Variants in CELF2 observed in about 807,000 individuals in gnomAD.
CELF2 encodes CUG triplet repeat RNA-binding protein 2.
CELF2 carries 8 observed loss-of-function variants against 62.6 expected under a neutral mutation model. That is an observed-to-expected ratio of 0.13 (90% CI 0.07 to 0.23). CELF2 has a LOEUF of 0.23. Ranked by LOEUF, CELF2 falls within the 10% of genes least tolerant of loss-of-function variation. CELF2 has a pLI of 1.00. For synonymous variants in CELF2, 258 were observed against 250.0 expected, an observed-to-expected ratio of 1.03 and a Z score of -0.30; for missense variants, 333 against 671.0, an observed-to-expected ratio of 0.50 and a Z score of 5.56.
chr10:10,505,932 C>G, the CELF2 span, among the ~76,000 whole-genome samples: 2 of 152,166 alleles, frequency 1.3e-5, no homozygotes, highest in Non-Finnish European at 2.9e-5. Context: ...CTCAAGTTCC[C>G]TAGATGGTCT....
At chr10:10,527,043 A>G in the CELF2 span, among the ~76,000 whole-genome samples, 1 of 152,224 alleles carries the variant, frequency 6.6e-6, no homozygotes, top group Admixed American at 6.5e-5. Context: ...GTTTTTTTGC[A>G]TAAACACATG....
intron 2 of CELF2, among the ~76,000 whole-genome samples, chr10:10,963,889 A>G (rs897502800): frequency 6.6e-6 from 1 of 152,166 alleles, no homozygotes; most frequent in Non-Finnish European, 1.5e-5. Flanking sequence ...TATGTCCTCA[A>G]TGGAGATGCC....
chr10:10,508,660 A>ATGTGTGTG, the CELF2 span, among the ~76,000 whole-genome samples: 101 of 140,782 alleles, frequency 7.2e-4, no homozygotes, highest in East Asian at 3.4e-3. Context: ...TCTTAAACAG[A>ATGTGTGTG]TGTGTGTGTG....
At chr10:11,090,466 C>T (rs2048023143) in intron 1 of CELF2, among the ~76,000 whole-genome samples, 1 of 152,068 alleles carries the variant, frequency 6.6e-6, no homozygotes, top group African/African-American at 2.4e-5. Flanking sequence ...TTTCTATTTT[C>T]TACTGTTTAA....
Position 11,242,946 on chromosome 10 carries a change from G to A in CELF2, c.355-6207G>A, listed in dbSNP as rs115459148. Reference sequence around the variant, plus strand: ...GGGACGGAGGCGCCGGTGGCAACTGGTGCTGGGTCAGAACCAAACCACTGC... The same window carrying A: ...GGGACGGAGGCGCCGGTGGCAACTGATGCTGGGTCAGAACCAAACCACTGC... On this transcript the variant is annotated intron_variant, in intron 3 of 12. Transcript: ENST00000633077. This position sits in a 1 kb window ranked among gnomAD's most constrained non-coding sequence, Gnocchi z 4.8. 3.3e-3 allele frequency among the ~76,000 whole-genome samples: 501 copies of A among 152,264 alleles called. 3 individuals are homozygous for A. Among genetic ancestry groups the A allele is most frequent in the African/African-American group, 0.011 (475 of 41,540 alleles).
rs986618172 is a variant in CELF2 at position 11,177,253 on chromosome 10, G to A, written c.271+11571G>A. 6.6e-6 allele frequency among the ~76,000 whole-genome samples: 1 copy of A among 152,104 alleles called. No individual in the cohort carries two copies. Among genetic ancestry groups the A allele is most frequent in the Non-Finnish European group, 1.5e-5 (1 of 68,020 alleles). On this transcript the variant is annotated intron_variant, in intron 2 of 12. Coordinates refer to ENST00000633077, the MANE Select transcript of CELF2 (RefSeq NM_001326342.2). The surrounding 1 kb of genome is among the most constrained non-coding windows in gnomAD (Gnocchi z 4.8). ...TAGTAGGGAGGTATTAAAATTAATA[G>A]CAATTCTGAGTAAGTTCCTTCTCAT...
the CELF2 span, among the ~76,000 whole-genome samples, chr10:10,791,165 TA>T: frequency 2.0e-5 from 3 of 152,142 alleles, no homozygotes; most frequent in Admixed American, 6.5e-5. Context: ...TTTAGTGATC[TA>T]AAAAAATGTT....
chr10:10,545,941 G>T, the CELF2 span, among the ~76,000 whole-genome samples: 1 of 152,154 alleles, frequency 6.6e-6, no homozygotes, highest in Non-Finnish European at 1.5e-5. Flanking sequence ...CGTGGGGATA[G>T]CTCCTCCTCA....
the CELF2 span, among the ~76,000 whole-genome samples, chr10:10,572,247 G>T: frequency 1.3e-5 from 2 of 151,626 alleles, no homozygotes; most frequent in Non-Finnish European, 2.9e-5. Context: ...TTTCTATTGA[G>T]GTCCCTTGTT....
rs574302683 is a variant in CELF2, at chr10:11,045,266, GT to G, written c.74+27109del. Among the ~76,000 whole-genome samples, 42 of 152,240 alleles carry G rather than the reference GT, an allele frequency of 2.8e-4. 2 individuals are homozygous for G. In the East Asian group the frequency reaches 7.5e-3, roughly 27 times the overall value. On this transcript the variant is annotated intron_variant, in intron 1 of 12. Transcript: ENST00000633077. ...TGAGCTCAGGCTAAGAGCTGGGTTAGTTTTTTATGTTTTTCTATACAGACAG... is the reference window on the plus strand; with the variant it reads ...TGAGCTCAGGCTAAGAGCTGGGTTAGTTTTTATGTTTTTCTATACAGACAG...
chr10:10,639,789 G>A, the CELF2 span, among the ~76,000 whole-genome samples: 1 of 151,954 alleles, frequency 6.6e-6, no homozygotes, highest in African/African-American at 2.4e-5. Flanking sequence ...TTCATTGTGA[G>A]GCCCTCCCTG....
chr10:11,052,398 G>A (rs1018682450), intron 1 of CELF2, among the ~76,000 whole-genome samples: 1 of 152,146 alleles, frequency 6.6e-6, no homozygotes, highest in African/African-American at 2.4e-5. Context: ...GCTTGATGCA[G>A]ACACCTGAGA....
the CELF2 span, among the ~76,000 whole-genome samples, chr10:10,578,586 C>G: frequency 6.6e-6 from 1 of 152,068 alleles, no homozygotes; most frequent in Admixed American, 6.6e-5. Flanking sequence ...GAGGAATAAT[C>G]TAAAGGGAGA....
At chr10:10,674,402 T>C in the CELF2 span, among the ~76,000 whole-genome samples, 2 of 152,194 alleles carry the variant, frequency 1.3e-5, no homozygotes. Flanking sequence ...TTAATCTGTA[T>C]ATATCTTCAT....
At chr10:10,729,557 AG>A in the CELF2 span, among the ~76,000 whole-genome samples, 1 of 152,172 alleles carries the variant, frequency 6.6e-6, no homozygotes, top group Non-Finnish European at 1.5e-5. Context: ...GATAAGACAA[AG>A]ATCGCACCAC....
chr10:10,472,249 C>A, the CELF2 span, among the ~76,000 whole-genome samples: 1 of 151,694 alleles, frequency 6.6e-6, no homozygotes, highest in Non-Finnish European at 1.5e-5. Context: ...CTTCCACAAG[C>A]CTCTCAGGCT....
In CELF2 at chr10:11,334,319, T is replaced by A. The variant is rs2096080741; in HGVS notation, c.*5266T>A. 6.6e-6 allele frequency: 1 copy of A among 152,666 alleles called. No individual in the cohort carries two copies. The highest frequency in any genetic ancestry group is 1.5e-5 in the Non-Finnish European group (1 of 68,048). 9.5% of individuals were successfully genotyped at this position (152,666 alleles called of 1,614,324 possible). ...AATGTATGTTATTGTGTGATGCAGT[T>A]TTTTGCTTCTGTCTCCAATATTAAA... On this transcript the variant is annotated 3_prime_UTR_variant, in exon 13 of 13. Coordinates refer to ENST00000633077, the MANE Select transcript of CELF2 (RefSeq NM_001326342.2).
At chr10:11,058,758 G>A (rs188847371) in intron 1 of CELF2, among the ~76,000 whole-genome samples, 38 of 151,930 alleles carry the variant, frequency 2.5e-4, no homozygotes, top group African/African-American at 8.7e-4. Flanking sequence ...ATGACCCACC[G>A]CGCCCGGGCT....
chr10:10,848,519 C>A (rs2059158529), intron 1 of CELF2, among the ~76,000 whole-genome samples: 1 of 152,176 alleles, frequency 6.6e-6, no homozygotes, highest in African/African-American at 2.4e-5. Flanking sequence ...GGAATTAAGA[C>A]AGAAATCTTT....
Sources: allele counts gnomAD v4.1 joint callset (sites outside exome capture counted in the v4.1 genomes callset), GRCh38; gene constraint gnomAD v4.1.1; non-coding constraint Gnocchi (gnomAD v3.1); transcripts MANE v1.5; gene names NCBI Gene and HGNC (gene_info 2026-07-23, HGNC 2026-07-21).